Variants in ACMSD observed in about 807,000 individuals in gnomAD.
ACMSD encodes 2-amino-3-carboxymuconate-6-semialdehyde decarboxylase.
ACMSD carries 37 observed loss-of-function variants against 45.9 expected under a neutral mutation model. The ratio of observed to expected loss-of-function variants is 0.81; its 90% CI spans 0.62 to 1.06. ACMSD has a LOEUF of 1.06. ACMSD is among the 50% of genes least tolerant of loss of function. ACMSD has a pLI of 0.00. For missense variants in ACMSD, 434 were observed against 420.9 expected (o/e 1.03, Z -0.27); for synonymous variants, 138 against 148.8 (o/e 0.93, Z 0.53).
chr2:134,898,947 C>A (rs1006516329), intron 9 of ACMSD, among the ~76,000 whole-genome samples: 2 of 151,912 alleles, frequency 1.3e-5, no homozygotes. Flanking sequence ...ACCTAGTCTA[C>A]CCCTTAGACT....
At chr2:134,887,516 G>A (rs1222188710) in intron 8 of ACMSD, among the ~76,000 whole-genome samples, 2 of 152,126 alleles carry the variant, frequency 1.3e-5, no homozygotes, top group Admixed American at 6.5e-5. Context: ...TGATTCTCCT[G>A]CCTCAGCCTC....
chr2:134,896,294 T>C (rs563212989), intron 8 of ACMSD, among the ~76,000 whole-genome samples: 77 of 152,312 alleles, frequency 5.1e-4, no homozygotes, highest in South Asian at 3.9e-3. Flanking sequence ...AAGAAAATAA[T>C]AGATGAAGAA....
chr2:134,885,065 G>A (rs774942879), intron 8 of ACMSD, among the ~76,000 whole-genome samples: 2 of 150,388 alleles, frequency 1.3e-5, no homozygotes, highest in Non-Finnish European at 3.0e-5. Flanking sequence ...GCATGGTGGT[G>A]CACACCTGTA....
intron 6 of ACMSD, 173 bp downstream of exon 6, chr2:134,867,845 A>G (rs75255804): frequency 2.6e-6 from 1 of 384,708 alleles, no homozygotes. Context: ...ATATATATAT[A>G]ACCTCATTTA....
Position 134,856,998 on chromosome 2 carries a change from C to T in ACMSD, c.103-2263C>T, listed in dbSNP as rs545492602. Among the ~76,000 whole-genome samples, 67 of 152,130 alleles carry T rather than the reference C, an allele frequency of 4.4e-4. 1 individual carries two copies. Among genetic ancestry groups the T allele is most frequent in the Admixed American group, 2.3e-3 (35 of 15,254 alleles). On this transcript the variant is annotated intron_variant, in intron 2 of 9. Coordinates refer to ENST00000356140, the MANE Select transcript of ACMSD (RefSeq NM_138326.3). ...GTTTTAGGTAGTATGGACATTTAAACAATATCAATTTTTCAATCCACGAAC... is the reference window on the plus strand; with the variant it reads ...GTTTTAGGTAGTATGGACATTTAAATAATATCAATTTTTCAATCCACGAAC...
intron 2 of ACMSD, among the ~76,000 whole-genome samples, chr2:134,854,406 A>G (rs996786257): frequency 7.9e-5 from 12 of 152,212 alleles, no homozygotes; most frequent in African/African-American, 2.9e-4. Context: ...CAATGCCCAC[A>G]TTCACCTGGT....
chr2:134,900,667 T>G (rs1473432758), intron 9 of ACMSD, among the ~76,000 whole-genome samples: 1 of 152,180 alleles, frequency 6.6e-6, no homozygotes, highest in African/African-American at 2.4e-5. Flanking sequence ...ACAGTATATA[T>G]AGGATTCTAT....
chr2:134,897,033 AT>A (rs1165550273), intron 8 of ACMSD, among the ~76,000 whole-genome samples: 1 of 152,090 alleles, frequency 6.6e-6, no homozygotes, highest in East Asian at 1.9e-4. Context: ...GATGAAAAAA[AT>A]TTTTTTAAAC....
At chr2:134,840,399 G>C (rs1312547493) in intron 1 of ACMSD, among the ~76,000 whole-genome samples, 1 of 151,924 alleles carries the variant, frequency 6.6e-6, no homozygotes, top group African/African-American at 2.4e-5. Context: ...AGGATTTTGA[G>C]GCTTAGAGAG....
At chr2:134,883,114 T>C (rs1182024089) in intron 8 of ACMSD, among the ~76,000 whole-genome samples, 1 of 152,188 alleles carries the variant, frequency 6.6e-6, no homozygotes, top group Non-Finnish European at 1.5e-5. Flanking sequence ...AAAATGTCCA[T>C]CATTAGAATT....
chr2:134,865,047 A>G (rs1688033978), intron 5 of ACMSD, among the ~76,000 whole-genome samples: 2 of 152,226 alleles, frequency 1.3e-5, no homozygotes, highest in African/African-American at 4.8e-5. Flanking sequence ...ATAATGACTT[A>G]AATAGATGTT....
At chr2:134,875,328 T>C (rs1688678433) in intron 8 of ACMSD, among the ~76,000 whole-genome samples, 1 of 152,216 alleles carries the variant, frequency 6.6e-6, no homozygotes, top group Non-Finnish European at 1.5e-5. Context: ...CTTTTGATAA[T>C]AAAGATATTT....
intron 2 of ACMSD, among the ~76,000 whole-genome samples, chr2:134,852,622 TGAGCAAATC>T (rs1297646767): frequency 6.6e-6 from 1 of 152,092 alleles, no homozygotes; most frequent in Non-Finnish European, 1.5e-5. Context: ...AAAAACAGGC[TGAGCAAATC>T]GAGTTTGGGT....
intron 8 of ACMSD, among the ~76,000 whole-genome samples, chr2:134,877,017 C>T (rs1334708269): frequency 6.6e-6 from 1 of 152,162 alleles, no homozygotes; most frequent in Admixed American, 6.5e-5. Context: ...AGGTGATCCA[C>T]CCACCTTGGC....
At chr2:134,891,651 C>T (rs1331413698) in intron 8 of ACMSD, among the ~76,000 whole-genome samples, 1 of 152,034 alleles carries the variant, frequency 6.6e-6, no homozygotes, top group East Asian at 1.9e-4. Flanking sequence ...ATTAGTACAA[C>T]CTTTATGGAA....
At chr2:134,875,700 A>G (rs1688699142) in intron 8 of ACMSD, among the ~76,000 whole-genome samples, 1 of 152,242 alleles carries the variant, frequency 6.6e-6, no homozygotes, top group Non-Finnish European at 1.5e-5. Flanking sequence ...CAGAAAATAC[A>G]CTTCACTATT....
At chr2:134,868,455 T>C (rs1028747436) in intron 6 of ACMSD, among the ~76,000 whole-genome samples, 2 of 148,306 alleles carry the variant, frequency 1.3e-5, no homozygotes, top group Non-Finnish European at 3.0e-5. Context: ...TTTTTTCTTT[T>C]TTTTTTTTTT....
intron 3 of ACMSD, 188 bp downstream of exon 3, chr2:134,859,545 T>C (rs1281994118): frequency 3.9e-5 from 21 of 535,274 alleles, no homozygotes; most frequent in African/African-American, 5.6e-5. Flanking sequence ...GGATTCAAAA[T>C]GTTTCATATG....
At chr2:134,872,398 C>T in intron 7 of ACMSD, 71 bp from the exon 8 acceptor site, 1 of 1,561,506 alleles carries the variant, frequency 6.4e-7, no homozygotes. Flanking sequence ...TAACTTCTTG[C>T]ATATAACATC....
Sources: allele counts gnomAD v4.1 joint callset (sites outside exome capture counted in the v4.1 genomes callset), GRCh38; gene constraint gnomAD v4.1.1; transcripts MANE v1.5; gene names NCBI Gene and HGNC (gene_info 2026-07-23, HGNC 2026-07-21).